AHCYL2: variants seen among roughly 807,000 people sequenced by gnomAD.
The protein encoded by AHCYL2 is adenosylhomocysteinase like 2.
In AHCYL2, 28 loss-of-function variants were observed where a neutral mutation model predicts 81.4. The observed-to-expected ratio is 0.34, with a 90% CI of 0.25 to 0.47. AHCYL2 has a LOEUF of 0.47. Among genes scored for constraint, AHCYL2 ranks in the 20% least tolerant of loss-of-function variants. AHCYL2 has a pLI of 1.00. For synonymous variants in AHCYL2, 272 were observed against 290.2 expected, an observed-to-expected ratio of 0.94 and a Z score of 0.64; for missense variants, 551 against 785.1, an observed-to-expected ratio of 0.70 and a Z score of 3.56.
chr7:129,399,752 A>G (rs1795936424), intron 5 of AHCYL2, among the ~76,000 whole-genome samples: 1 of 135,430 alleles, frequency 7.4e-6, no homozygotes, highest in Non-Finnish European at 1.5e-5. Context: ...TTTGAGACAG[A>G]GTCACGCCCT....
At chr7:129,413,775 A>T in intron 12 of AHCYL2, 87 bp downstream of exon 12, 1 of 1,079,356 alleles carries the variant, frequency 9.3e-7, no homozygotes, top group South Asian at 1.3e-5. Context: ...GTCACAAGCC[A>T]TCCTAAACAT....
chr7:129,374,635 C>T (rs1461285533), intron 1 of AHCYL2, among the ~76,000 whole-genome samples: 11 of 151,892 alleles, frequency 7.2e-5, no homozygotes, highest in Admixed American at 3.3e-4. Context: ...GGTGAAACCC[C>T]ATGTTTACTA....
chr7:129,410,324 A>G (rs1034737468), intron 11 of AHCYL2: 37 of 1,614,184 alleles, frequency 2.3e-5, no homozygotes, highest in African/African-American at 9.3e-5. Flanking sequence ...AAACTCTTCA[A>G]TGTCATCAAG....
chr7:129,404,665 G>A (rs7779572), intron 7 of AHCYL2, among the ~76,000 whole-genome samples: 134,132 of 152,186 alleles, frequency 0.88, 59,488 homozygotes, highest in East Asian at 0.98. Context: ...ACAAGAGTGA[G>A]ACTCCATCTC....
chr7:129,390,936 T>C (rs1795440756), intron 4 of AHCYL2, among the ~76,000 whole-genome samples: 1 of 152,102 alleles, frequency 6.6e-6, no homozygotes, highest in African/African-American at 2.4e-5. Context: ...TATCCTGAAA[T>C]GAAATTCAGA....
intron 5 of AHCYL2, among the ~76,000 whole-genome samples, chr7:129,398,068 G>C (rs978372066): frequency 2.6e-5 from 4 of 152,130 alleles, no homozygotes; most frequent in African/African-American, 9.7e-5. Context: ...GGGTGCAGTA[G>C]TGCAGTCGTG....
chr7:129,232,722 T>C (rs1297104188), intron 1 of AHCYL2, among the ~76,000 whole-genome samples: 1 of 152,242 alleles, frequency 6.6e-6, no homozygotes, highest in African/African-American at 2.4e-5. Context: ...GATCAAGTTA[T>C]AAGGGCAACA....
chr7:129,316,305 A>C (rs538032428), intron 1 of AHCYL2, among the ~76,000 whole-genome samples: 1 of 152,338 alleles, frequency 6.6e-6, no homozygotes, highest in East Asian at 1.9e-4. Context: ...CAACTACAAG[A>C]TCCAGGAGAG....
chr7:129,278,763 CTTTTTTTT>C (rs36037913), intron 1 of AHCYL2, among the ~76,000 whole-genome samples: 9 of 111,382 alleles, frequency 8.1e-5, no homozygotes, highest in African/African-American at 1.4e-4. Context: ...TATTGAAGCT[CTTTTTTTT>C]TTTTTTTTTT....
intron 1 of AHCYL2, among the ~76,000 whole-genome samples, chr7:129,233,669 G>A (rs1171477199): frequency 6.6e-6 from 1 of 152,102 alleles, no homozygotes; most frequent in Non-Finnish European, 1.5e-5. Flanking sequence ...TGTATTGTTA[G>A]TAGAGATGGC....
At chr7:129,400,887 TTTC>T (rs1438362215) in intron 6 of AHCYL2, among the ~76,000 whole-genome samples, 3 of 152,222 alleles carry the variant, frequency 2.0e-5, no homozygotes, top group Non-Finnish European at 4.4e-5. Flanking sequence ...CAAGTTCAAA[TTTC>T]TTCTCTTTAT....
intron 1 of AHCYL2, among the ~76,000 whole-genome samples, chr7:129,315,050 T>C (rs945380485): frequency 2.6e-5 from 4 of 152,122 alleles, no homozygotes; most frequent in Non-Finnish European, 5.9e-5. Flanking sequence ...ACCTACCACA[T>C]AGTTGGTGCT....
intron 1 of AHCYL2, among the ~76,000 whole-genome samples, chr7:129,237,172 T>A (rs952704893): frequency 6.6e-6 from 1 of 152,192 alleles, no homozygotes; most frequent in African/African-American, 2.4e-5. Context: ...TAGAATTGCC[T>A]TTCCAACCCC....
intron 1 of AHCYL2, among the ~76,000 whole-genome samples, chr7:129,284,572 C>T (rs991617517): frequency 5.4e-4 from 76 of 140,400 alleles, no homozygotes; most frequent in African/African-American, 1.8e-3. Flanking sequence ...GCACTCCAGC[C>T]TAGATGACAG....
At chr7:129,269,222 A>G (rs1000743843) in intron 1 of AHCYL2, among the ~76,000 whole-genome samples, 23 of 150,326 alleles carry the variant, frequency 1.5e-4, no homozygotes, top group East Asian at 9.8e-4. Context: ...TCCCAGGCTC[A>G]AGCCATCCTC....
intron 1 of AHCYL2, among the ~76,000 whole-genome samples, chr7:129,322,519 T>C (rs1036288411): frequency 6.6e-6 from 1 of 152,358 alleles, no homozygotes; most frequent in East Asian, 1.9e-4. Context: ...TTAGATTTAC[T>C]CTTGAATGAC....
intron 1 of AHCYL2, among the ~76,000 whole-genome samples, chr7:129,277,605 A>G (rs762449959): frequency 1.8e-4 from 28 of 152,104 alleles, no homozygotes; most frequent in Non-Finnish European, 3.2e-4. Flanking sequence ...ACCCAGTTTC[A>G]TCCCTAGGCA....
chr7:129,386,539 A>G (rs1217692145), intron 2 of AHCYL2, among the ~76,000 whole-genome samples: 1 of 152,152 alleles, frequency 6.6e-6, no homozygotes, highest in African/African-American at 2.4e-5. Flanking sequence ...AACTGTAACT[A>G]CTTGACTCCT....
At chr7:129,387,545 T>C (rs1267981713) in intron 2 of AHCYL2, among the ~76,000 whole-genome samples, 2 of 152,272 alleles carry the variant, frequency 1.3e-5, no homozygotes, top group African/African-American at 4.8e-5. Flanking sequence ...ATGAACACTT[T>C]CTTCAAAAGT....
Sources: gnomAD v4.1 joint callset for allele counts (sites outside exome capture counted in the v4.1 genomes callset) on GRCh38, gnomAD v4.1.1 for gene constraint, MANE v1.5 for transcripts, NCBI Gene and HGNC (gene_info 2026-07-23, HGNC 2026-07-21) for gene names.